Variants in SETD1B observed in about 807,000 individuals in gnomAD.
SETD1B encodes the protein histone-lysine N-methyltransferase SETD1B.
SETD1B carries 7 observed loss-of-function variants against 148.0 expected under a neutral mutation model. That is an observed-to-expected ratio of 0.05 (90% CI 0.03 to 0.09). SETD1B has a LOEUF of 0.09. SETD1B is among the 10% of genes least tolerant of loss of function. The probability of loss-of-function intolerance (pLI) is 1.00; values close to 1 mark genes in which losing one functional copy is unlikely to be tolerated. For missense variants in SETD1B, 2,155 were observed against 2,729.9 expected, an observed-to-expected ratio of 0.79 and a Z score of 4.69; for synonymous variants, 1,361 against 1,186.5, an observed-to-expected ratio of 1.15 and a Z score of -3.02.
At chr12:121,812,686 C>T (rs1326260306) in intron 6 of SETD1B, among the ~76,000 whole-genome samples, 1 of 152,054 alleles carries the variant, frequency 6.6e-6, no homozygotes, top group Non-Finnish European at 1.5e-5. Context: ...CTGGGGAGTG[C>T]TCTCTGAGGA....
chr12:121,826,563 C>T (rs1396052198), intron 13 of SETD1B, among the ~76,000 whole-genome samples: 1 of 152,144 alleles, frequency 6.6e-6, no homozygotes, highest in African/African-American at 2.4e-5. Flanking sequence ...AGAGACAGCA[C>T]AGGCCACCAG....
Position 121,817,276 on chromosome 12 carries a change from G to C in SETD1B, c.2959G>C (p.Val987Leu), listed in dbSNP as rs931225160. The change falls in exon 8 of 17, where the codon GTG (valine) becomes CTG (leucine). Residue 987 changes from valine (V) to leucine (L), a missense_variant. By Grantham distance (32) the Val-to-Leu change is conservative. Transcript: ENST00000604567. This position sits in a 1 kb window ranked among gnomAD's most constrained non-coding sequence, Gnocchi z 8.1. ...DQKRLRPSTS[V>L]DEEDEESERE... The stretch of plus-strand genomic sequence containing the variant: ...GAAGCGGCTGCGGCCCTCGACCTCT[G>C]TGGATGAGGAAGATGAAGGTTCGTG... The C allele has an allele frequency of 1.7e-5, 26 of 1,550,758 alleles. No individual in the cohort carries two copies. Among genetic ancestry groups the C allele is most frequent in the Non-Finnish European group, 2.3e-5 (26 of 1,146,846 alleles).
At chr12:121,825,493 G>A in intron 13 of SETD1B, 127 bp downstream of exon 13, 1 of 596,334 alleles carries the variant, frequency 1.7e-6, no homozygotes. Context: ...CACAGAGGGT[G>A]CAAGTGGAAG....
chr12:121,821,528 TC>T lies in SETD1B; in HGVS notation c.3911-961del, dbSNP rs1188275706. On this transcript the variant is annotated intron_variant, in intron 11 of 16. Coordinates refer to ENST00000604567, the MANE Select transcript of SETD1B (RefSeq NM_001353345.2). ...ACTGTGGGAAGCCGAGGTAGGCAGA[TC>T]AACTGAGGTCAGGAGTTTGAGACCA... Among the ~76,000 whole-genome samples the T allele has an allele frequency of 2.0e-5, 3 of 151,180 alleles. No homozygotes were observed. The East Asian group carries it at 5.9e-4, about 30-fold the overall frequency.
At chr12:121,792,106 G>T in the SETD1B span, among the ~76,000 whole-genome samples, 1 of 132,126 alleles carries the variant, frequency 7.6e-6, no homozygotes, top group Non-Finnish European at 1.5e-5. Flanking sequence ...AATGGAGGGG[G>T]GCTCTGAGCT....
At position 121,805,699 on chromosome 12, in the gene SETD1B, TTTTTTTAA is replaced by T; in HGVS notation, c.274-130_274-123del. 1 of 859,582 alleles carries T rather than the reference TTTTTTTAA, an allele frequency of 1.2e-6. No individual in the cohort carries two copies. The highest frequency in any genetic ancestry group is 1.6e-6 in the Non-Finnish European group (1 of 620,834). The allele number at this position is 859,582 out of a possible 1,614,324, so 53.2% of individuals were successfully genotyped here. A position where few individuals can be genotyped will look rare whatever the true frequency, so the allele number is the denominator to read the frequency against. On this transcript the variant is annotated intron_variant, in intron 3 of 16. Transcript: ENST00000604567. This position sits in a 1 kb window ranked among gnomAD's most constrained non-coding sequence, Gnocchi z 4.2. Reference sequence around the variant, plus strand: ...TTTTTTCCAAAAAAAATTTTTTTTTTTTTTTTAATTTTTAGTTTTTTTACCCTTTATTG... The same window carrying T: ...TTTTTTCCAAAAAAAATTTTTTTTTTTTTTTAGTTTTTTTACCCTTTATTG...
At chr12:121,815,491 C>T (rs550621529) in intron 7 of SETD1B, among the ~76,000 whole-genome samples, 1 of 152,126 alleles carries the variant, frequency 6.6e-6, no homozygotes, top group East Asian at 1.9e-4. Flanking sequence ...ACACGGAGCC[C>T]TGTCTTGGAC....
In SETD1B at chr12:121,825,246, C is replaced by G. The variant is rs1876784406; in HGVS notation, c.5217C>G (p.Ile1739Met). The change falls in exon 13 of 17, where the codon ATC becomes ATG. Residue 1739 changes from isoleucine to methionine, a missense_variant. Around this residue, in one of 11 missense-constraint regions of SETD1B, gnomAD observed 96 missense variants for 148.7 expected, o/e 0.65. Transcript: ENST00000604567. Reference protein sequence around the residue: ...SAKKKKRDDGIREHVTGCARS... With the variant: ...SAKKKKRDDGMREHVTGCARS... ...AGAAGAAGAAACGGGACGATGGCAT[C>G]CGCGAGCACGTGACGGGCTGTGCCC... 2 of 1,551,646 alleles carry G rather than the reference C, an allele frequency of 1.3e-6. No homozygotes were observed. The highest frequency in any genetic ancestry group is 1.7e-6 in the Non-Finnish European group (2 of 1,147,052).
At position 121,830,047 on chromosome 12, in the gene SETD1B, C is replaced by A; in HGVS notation, c.5728-19C>A. 1 of 1,544,082 alleles carries A rather than the reference C, an allele frequency of 6.5e-7. No homozygotes were observed. The highest frequency in any genetic ancestry group is 8.8e-7 in the Non-Finnish European group (1 of 1,141,710). On this transcript the variant is annotated intron_variant, in intron 16 of 16. Transcript: ENST00000604567. The surrounding 1 kb of genome is among the most constrained non-coding windows in gnomAD (Gnocchi z 5.7). ...CCTGGGGGACCAGGGGCTCATTCTCCCCCCCACCTTGCCTGCAGCCCAACT... is the reference window on the plus strand; with the variant it reads ...CCTGGGGGACCAGGGGCTCATTCTCACCCCCACCTTGCCTGCAGCCCAACT...
chr12:121,814,056 C>G, intron 6 of SETD1B, 50 bp from the exon 7 acceptor site: 1 of 1,460,590 alleles, frequency 6.8e-7, no homozygotes. Flanking sequence ...CTCCGAGAGC[C>G]CCTTGGCCTT....
At chr12:121,794,659 G>A in the SETD1B span, among the ~76,000 whole-genome samples, 2 of 152,122 alleles carry the variant, frequency 1.3e-5, no homozygotes, top group Admixed American at 6.5e-5. Context: ...CTTACTGTAG[G>A]CAGTGCTATC....
At chr12:121,800,823 G>A (rs1024206974), upstream of SETD1B, 1 of 150,930 alleles carries the variant, frequency 6.6e-6, no homozygotes, top group African/African-American at 2.4e-5. Flanking sequence ...CCAGCGCTGC[G>A]CCCCGCGGGC....
intron 16 of SETD1B, among the ~76,000 whole-genome samples, chr12:121,828,485 T>C (rs1394457575): frequency 6.6e-6 from 1 of 151,824 alleles, no homozygotes; most frequent in Admixed American, 6.5e-5. Flanking sequence ...GTTAGCCACA[T>C]GTGTGGTGGT....
At position 121,819,668 on chromosome 12, in the gene SETD1B, TG is replaced by T; in HGVS notation, c.3686del (p.Gly1229AlafsTer46). On this transcript the variant is annotated frameshift_variant, in exon 11 of 17. Transcript: ENST00000604567. LOFTEE classifies it high-confidence loss of function. ...LAPGAPAVDS[L>X]GMEEEVDIET... is the part of the protein sequence containing the mutation. ...CCGGGGGCACCTGCAGTGGACTCGT[TG>T]GGCATGGAAGAGGAGGTGGACATCG... The T allele has an allele frequency of 6.4e-7, 1 of 1,551,320 alleles. No homozygotes were observed.
chr12:121,792,247 C>T, the SETD1B span, among the ~76,000 whole-genome samples: 2 of 152,226 alleles, frequency 1.3e-5, no homozygotes, highest in Non-Finnish European at 2.9e-5. Context: ...AGAGGGCCAC[C>T]GGATGACGTG....
intron 4 of SETD1B, among the ~76,000 whole-genome samples, chr12:121,806,350 C>T (rs551671121): frequency 1.2e-4 from 18 of 152,182 alleles, no homozygotes; most frequent in East Asian, 3.9e-4. Flanking sequence ...AGGGACCACC[C>T]GGAGGCTTCC....
Position 121,808,080 on chromosome 12 carries a change from C to A in SETD1B, c.545-128C>A. 1 of 666,482 alleles carries A rather than the reference C, an allele frequency of 1.5e-6. No individual in the cohort carries two copies. Among genetic ancestry groups the A allele is most frequent in the Non-Finnish European group, 2.6e-6 (1 of 384,978 alleles). The allele number at this position is 666,482 out of a possible 1,614,324, so 41.3% of individuals were successfully genotyped here. On this transcript the variant is annotated intron_variant, in intron 4 of 16. Coordinates refer to ENST00000604567, the MANE Select transcript of SETD1B (RefSeq NM_001353345.2). This position sits in a 1 kb window ranked among gnomAD's most constrained non-coding sequence, Gnocchi z 5.3. ...GCAGAGGGGTGGGAACTCAGGGCCACACAGCCTCCCTAGGACTGGGGTCTC... is the reference window on the plus strand; with the variant it reads ...GCAGAGGGGTGGGAACTCAGGGCCAAACAGCCTCCCTAGGACTGGGGTCTC...
chr12:121,814,965 T>C (rs1566552012), intron 7 of SETD1B, 35 bp downstream of exon 7: 1 of 1,501,234 alleles, frequency 6.7e-7, no homozygotes, highest in South Asian at 1.3e-5. Context: ...GCAGGGTGGC[T>C]GTGGAGGGGG....
chr12:121,810,728 C>T lies in SETD1B; in HGVS notation c.1783C>T (p.Pro595Ser). 6.4e-7 allele frequency: 1 copy of T among 1,551,280 alleles called. No individual in the cohort carries two copies. The highest frequency in any genetic ancestry group is 8.7e-7 in the Non-Finnish European group (1 of 1,146,876). The change falls in exon 6 of 17, where the codon CCA becomes TCA. Residue 595 changes from proline to serine, a missense_variant. Physicochemically the swap from Pro to Ser is moderately conservative, Grantham distance 74. Transcript: ENST00000604567. This position sits in a 1 kb window ranked among gnomAD's most constrained non-coding sequence, Gnocchi z 7.6. ...CGACCTGGGCCTTGGGCCTCGGCCT[C>T]CACCTGAGCCAGGCCCCCCGGACCC... Reference protein sequence around the residue: ...ELDLGLGPRPPPEPGPPDPAG... With the variant: ...ELDLGLGPRPSPEPGPPDPAG...
Sources: gnomAD v4.1 joint callset for allele counts (sites outside exome capture counted in the v4.1 genomes callset) on GRCh38, gnomAD v4.1.1 for gene constraint, gnomAD v4.1.1 regional missense constraint, Gnocchi (gnomAD v3.1) non-coding constraint, MANE v1.5 for transcripts, NCBI Gene and HGNC (gene_info 2026-07-23, HGNC 2026-07-21) for gene names.